Variants in KDM3A observed in about 807,000 individuals in gnomAD.
KDM3A encodes lysine-specific demethylase 3A.
In KDM3A, 60 loss-of-function variants were observed where a neutral mutation model predicts 158.0. The ratio of observed to expected loss-of-function variants is 0.38; its 90% CI spans 0.31 to 0.47. The LOEUF (loss-of-function observed/expected upper bound fraction) is 0.47. Ranked by LOEUF, KDM3A falls within the 20% of genes least tolerant of loss-of-function variation. The pLI, the probability that KDM3A is intolerant of heterozygous loss-of-function variation, is 0.99. For missense variants in KDM3A, 1,319 were observed against 1,574.3 expected, an observed-to-expected ratio of 0.84 and a Z score of 2.74; for synonymous variants, 608 against 549.3, an observed-to-expected ratio of 1.11 and a Z score of -1.49.
intron 11 of KDM3A, among the ~76,000 whole-genome samples, chr2:86,471,704 T>C (rs1453144040): frequency 6.6e-6 from 1 of 152,240 alleles, no homozygotes; most frequent in African/African-American, 2.4e-5. Context: ...AGATTCAGGC[T>C]TATTTAACGA....
upstream of KDM3A, among the ~76,000 whole-genome samples, chr2:86,437,154 T>C (rs1343715129): frequency 1.3e-5 from 2 of 152,192 alleles, no homozygotes; most frequent in Non-Finnish European, 2.9e-5. Context: ...ATACTTTTTT[T>C]TTTTGAGACA....
chr2:86,466,539 A>C lies in KDM3A; in HGVS notation c.1175A>C (p.Gln392Pro). The C allele has an allele frequency of 1.9e-6, 3 of 1,613,938 alleles. No homozygotes were observed. The highest frequency in any genetic ancestry group is 2.5e-6 in the Non-Finnish European group (3 of 1,179,854). The change falls in exon 10 of 26, where the codon CAG becomes CCG. Residue 392 changes from glutamine (Q) to proline (P), a missense_variant. By Grantham distance (76) the Gln-to-Pro change is moderately conservative. Around this residue, in one of 4 missense-constraint regions of KDM3A, gnomAD observed 652 missense variants for 627.2 expected, o/e 1.04. Transcript: ENST00000312912. ...ILTEPKGSCTQPKTNTDQENR... is the reference protein window; with the variant it reads ...ILTEPKGSCTPPKTNTDQENR... ...ACTGAGCCAAAAGGCAGCTGTACTC[A>C]GCCTAAGACAAACACTGATCAGGAA...
chr2:86,492,103 GT>G lies in KDM3A; in HGVS notation c.3954del (p.Phe1318LeufsTer12). ...AVAMLKASESSFGKP is the reference protein window; with the variant it reads ...AVAMLKASESXFGKP ...GCTATGCTGAAAGCCAGTGAATCCA[GT>G]TTTGGCAAACCTTAATCTCCCTGCA... On this transcript the variant is annotated frameshift_variant, in exon 26 of 26. Coordinates refer to ENST00000312912, the MANE Select transcript of KDM3A (RefSeq NM_018433.6). LOFTEE classifies it high-confidence loss of function. 6.2e-7 allele frequency: 1 copy of G among 1,613,136 alleles called. No homozygotes were observed. The highest frequency in any genetic ancestry group is 8.5e-7 in the Non-Finnish European group (1 of 1,179,272).
upstream of KDM3A, among the ~76,000 whole-genome samples, chr2:86,440,448 A>T (rs1443420098): frequency 6.6e-6 from 1 of 152,196 alleles, no homozygotes; most frequent in Non-Finnish European, 1.5e-5. Flanking sequence ...TCAGGTCCAG[A>T]GCACACAATC....
At chr2:86,482,820 C>A in intron 18 of KDM3A, 126 bp downstream of exon 18, 1 of 869,148 alleles carries the variant, frequency 1.2e-6, no homozygotes, top group South Asian at 1.6e-5. Context: ...TTTATTGTTT[C>A]AGGTGAATAT....
At chr2:86,448,915 ATAGGT>A (rs1230562093) in intron 2 of KDM3A, among the ~76,000 whole-genome samples, 1 of 152,160 alleles carries the variant, frequency 6.6e-6, no homozygotes, top group Non-Finnish European at 1.5e-5. Flanking sequence ...CATATTTATA[ATAGGT>A]TAAGGAAGCT....
chr2:86,442,392 T>G, intron 2 of KDM3A, 159 bp downstream of exon 2: 1 of 692,752 alleles, frequency 1.4e-6, no homozygotes, highest in South Asian at 2.0e-5. Context: ...TTGGAATGGT[T>G]GTATAGAGCC....
At chr2:86,455,882 G>A (rs1405068053) in intron 5 of KDM3A, among the ~76,000 whole-genome samples, 1 of 150,746 alleles carries the variant, frequency 6.6e-6, no homozygotes, top group African/African-American at 2.4e-5. Context: ...CTTGAACCCA[G>A]GAGGTCAAGG....
chr2:86,441,895 C>T (rs896043584), intron 1 of KDM3A, 123 bp from the exon 2 acceptor site: 6 of 616,580 alleles, frequency 9.7e-6, no homozygotes, highest in East Asian at 4.1e-5. Flanking sequence ...GGGCTCGGTG[C>T]GGGTCCGCCC....
chr2:86,491,386 C>CA, intron 25 of KDM3A, 111 bp downstream of exon 25: 1 of 1,094,096 alleles, frequency 9.1e-7, no homozygotes, highest in African/African-American at 1.6e-5. Flanking sequence ...ACTTAGTACA[C>CA]AGTGAGTCGA....
In KDM3A at chr2:86,477,058, G is replaced by T. The variant is rs1459615037; in HGVS notation, c.1940-819G>T. 3.3e-5 allele frequency among the ~76,000 whole-genome samples: 5 copies of T among 152,164 alleles called. No individual in the cohort carries two copies. In the East Asian group the frequency reaches 9.6e-4, roughly 29 times the overall value. Reference sequence around the variant, plus strand: ...GAAAGCTTGCTGATAACCTGGTTTGGTTCCCTGATTTGGCACTCCTCCATC... The same window carrying T: ...GAAAGCTTGCTGATAACCTGGTTTGTTTCCCTGATTTGGCACTCCTCCATC... On this transcript the variant is annotated intron_variant, in intron 12 of 25. Transcript: ENST00000312912.
At position 86,456,850 on chromosome 2, in the gene KDM3A, G is replaced by A. The variant is rs1056184300; in HGVS notation, c.727G>A (p.Val243Ile). 1.2e-6 allele frequency: 2 copies of A among 1,612,332 alleles called. No homozygotes were observed. The highest frequency in any genetic ancestry group is 1.3e-5 in the African/African-American group (1 of 74,990). Residue 243 changes from valine to isoleucine, a missense_variant, in exon 7 of 26, where the codon GTT (valine) becomes ATT (isoleucine). Around this residue, in one of 4 missense-constraint regions of KDM3A, gnomAD observed 652 missense variants for 627.2 expected, o/e 1.04. Coordinates refer to ENST00000312912, the MANE Select transcript of KDM3A (RefSeq NM_018433.6). ...IVDPSLIHVEVVHDNLVTCGN... is the reference protein window; with the variant it reads ...IVDPSLIHVEIVHDNLVTCGN... ...TGATCCGTCACTGATTCATGTTGAAGTTGTACACGATAACCTTGTGACATG... is the reference window on the plus strand; with the variant it reads ...TGATCCGTCACTGATTCATGTTGAAATTGTACACGATAACCTTGTGACATG...
At chr2:86,480,774 CTG>C (rs1233259854) in intron 16 of KDM3A, among the ~76,000 whole-genome samples, 2 of 152,096 alleles carry the variant, frequency 1.3e-5, no homozygotes, top group Non-Finnish European at 2.9e-5. Flanking sequence ...TCTAAGATGA[CTG>C]TTGTAGAAAA....
Position 86,489,636 on chromosome 2 carries a change from A to G in KDM3A, c.3550A>G (p.Lys1184Glu). The G allele has an allele frequency of 6.2e-7, 1 of 1,611,354 alleles. No individual in the cohort carries two copies. Among genetic ancestry groups the G allele is most frequent in the Non-Finnish European group, 8.5e-7 (1 of 1,179,144 alleles). Residue 1184 changes from lysine to glutamate, a missense_variant, in exon 23 of 26, where the codon AAG becomes GAG. Physicochemically the swap from Lys to Glu is moderately conservative, Grantham distance 56 (BLOSUM62 1). Around this residue, in one of 4 missense-constraint regions of KDM3A, gnomAD observed 186 missense variants for 340.9 expected, o/e 0.55. Coordinates refer to ENST00000312912, the MANE Select transcript of KDM3A (RefSeq NM_018433.6). ...WHIYAAKDTE[K>E]IREFLKKVSE... is the part of the protein sequence containing the mutation. ...CATATATGCTGCAAAGGACACGGAG[A>G]AGATAAGGGAATTTCTTAAAAAGGT...
At chr2:86,472,765 T>C (rs1673478020) in intron 11 of KDM3A, among the ~76,000 whole-genome samples, 1 of 152,210 alleles carries the variant, frequency 6.6e-6, no homozygotes, top group Non-Finnish European at 1.5e-5. Context: ...AATGAAATAC[T>C]GAAGGCTTTC....
chr2:86,471,379 A>ATATGTGTG (rs1244167375), intron 11 of KDM3A, among the ~76,000 whole-genome samples: 1 of 150,194 alleles, frequency 6.7e-6, no homozygotes, highest in Non-Finnish European at 1.5e-5. Flanking sequence ...ATATGTATAT[A>ATATGTGTG]TATGTGTGTA....
chr2:86,472,386 C>CA (rs1396909151), intron 11 of KDM3A, among the ~76,000 whole-genome samples: 1 of 151,944 alleles, frequency 6.6e-6, no homozygotes, highest in Non-Finnish European at 1.5e-5. Flanking sequence ...TTGAGGCTGT[C>CA]ATTAGCCTCC....
Position 86,456,998 on chromosome 2 carries a change from T to C in KDM3A, c.770T>C (p.Ile257Thr). Residue 257 changes from isoleucine to threonine, a missense_variant, in exon 8 of 26, where the codon ATT becomes ACT. Transcript: ENST00000312912. Reference protein sequence around the residue: ...NLVTCGNSARIGAVKRKSSEN... With the variant: ...NLVTCGNSARTGAVKRKSSEN... Reference sequence around the variant, plus strand: ...AATATTTTAGGTAATTCTGCAAGAATTGGAGCTGTAAAACGCAAGTCTTCT... The same window carrying C: ...AATATTTTAGGTAATTCTGCAAGAACTGGAGCTGTAAAACGCAAGTCTTCT... 10 of 1,603,344 alleles carry C rather than the reference T, an allele frequency of 6.2e-6. No individual in the cohort carries two copies. Among genetic ancestry groups the C allele is most frequent in the Non-Finnish European group, 8.5e-6 (10 of 1,173,680 alleles).
At position 86,491,921 on chromosome 2, in the gene KDM3A, G is replaced by T. The variant is rs1022374359; in HGVS notation, c.3886-118G>T. Reference sequence around the variant, plus strand: ...CTTTTGCAATGTTGACATTTCATACGAATATTGAATTTTAAATTCTGAGAG... The same window carrying T: ...CTTTTGCAATGTTGACATTTCATACTAATATTGAATTTTAAATTCTGAGAG... On this transcript the variant is annotated intron_variant, in intron 25 of 25. Coordinates refer to ENST00000312912, the MANE Select transcript of KDM3A (RefSeq NM_018433.6). 4.4e-6 allele frequency: 3 copies of T among 681,048 alleles called. No homozygotes were observed. The African/African-American group carries it at 5.4e-5, about 12-fold the overall frequency. The allele number at this position is 681,048 out of a possible 1,614,324, so 42.2% of individuals were successfully genotyped here.
Sources: gnomAD v4.1 joint callset for allele counts (sites outside exome capture counted in the v4.1 genomes callset) on GRCh38, gnomAD v4.1.1 for gene constraint, gnomAD v4.1.1 regional missense constraint, MANE v1.5 for transcripts, NCBI Gene and HGNC (gene_info 2026-07-23, HGNC 2026-07-21) for gene names.